Variants in USP28 observed in about 807,000 individuals in gnomAD.
USP28 encodes the protein ubiquitin carboxyl-terminal hydrolase 28.
Under a neutral mutation model 145.0 loss-of-function variants are expected in USP28, and 113 were observed. The observed-to-expected ratio is 0.78, with a 90% CI of 0.67 to 0.91. The LOEUF (loss-of-function observed/expected upper bound fraction) is 0.91, where lower values mean the gene tolerates loss of function less well. Among genes scored for constraint, USP28 ranks in the 40% least tolerant of loss-of-function variants. The probability of loss-of-function intolerance (pLI) is 0.00; values close to 1 mark genes in which losing one functional copy is unlikely to be tolerated. For synonymous variants in USP28, 447 were observed against 450.9 expected (o/e 0.99, Z 0.11); for missense variants, 1,201 against 1,289.6 (o/e 0.93, Z 1.05).
chr11:113,840,856 C>T (rs1945121137), intron 4 of USP28, 99 bp from the exon 5 acceptor site: 3 of 1,389,002 alleles, frequency 2.2e-6, no homozygotes, highest in South Asian at 3.2e-5. Context: ...ATTCAAAACA[C>T]CAGAAAAAGT....
intron 5 of USP28, 137 bp downstream of exon 5, chr11:113,840,461 T>C (rs961142342): frequency 8.9e-7 from 1 of 1,123,320 alleles, no homozygotes; most frequent in African/African-American, 1.6e-5. Flanking sequence ...TCTAAATCCA[T>C]ACACAATAAT....
At chr11:113,809,555 C>A (rs1319263409) in intron 16 of USP28, among the ~76,000 whole-genome samples, 1 of 152,190 alleles carries the variant, frequency 6.6e-6, no homozygotes, top group Non-Finnish European at 1.5e-5. Context: ...TCCCTTCCAG[C>A]ATCATGTAAT....
intron 16 of USP28, 62 bp downstream of exon 16, chr11:113,812,214 G>GTTTT: frequency 7.6e-7 from 1 of 1,315,402 alleles, no homozygotes. Flanking sequence ...GTACAAGACT[G>GTTTT]TTCTTCTCCC....
Position 113,813,878 on chromosome 11 carries a change from A to C in USP28, c.1743+7T>G. The C allele has an allele frequency of 6.2e-7, 1 of 1,611,474 alleles. No homozygotes were observed. Reference sequence around the variant, plus strand: ...CTTGACTACTTTCCCATCAATTTTCATTCTACCTGACGAAGGAGAGGATCG... The same window carrying C: ...CTTGACTACTTTCCCATCAATTTTCCTTCTACCTGACGAAGGAGAGGATCG... On this transcript the variant is annotated splice_region_variant and intron_variant, in intron 15 of 24. Coordinates refer to ENST00000003302, the Ensembl canonical transcript of USP28.
exon 25 of USP28, chr11:113,799,095 T>G: frequency 1.1e-6 from 1 of 900,324 alleles, no homozygotes; most frequent in Non-Finnish European, 1.7e-6. Context: ...TTTCAATCCT[T>G]CTTTACACAT....
chr11:113,838,521 C>T (rs965576657), intron 5 of USP28, among the ~76,000 whole-genome samples: 2 of 152,168 alleles, frequency 1.3e-5, no homozygotes, highest in African/African-American at 4.8e-5. Context: ...TGCTATTTGT[C>T]AGACACATTA....
At chr11:113,831,777 G>C (rs1944008403) in intron 8 of USP28, 143 bp downstream of exon 8, 1 of 592,526 alleles carries the variant, frequency 1.7e-6, no homozygotes, top group Non-Finnish European at 2.8e-6. Context: ...AGGGATACAT[G>C]ATGAGGACTA....
chr11:113,808,322 G>A lies in USP28; in HGVS notation c.2280C>T (p.Ser760=), dbSNP rs769400354. The A allele has an allele frequency of 9.9e-6, 16 of 1,613,348 alleles. No individual in the cohort carries two copies. In the East Asian group the frequency reaches 1.3e-4, roughly 13 times the overall value. ...CCTCACTCAGTGCCGCTTCTACACC[G>A]CTCTTCTCATAGGCACGGGCTGTGT... Residue 760 remains serine, a synonymous_variant, in exon 18 of 25, where the codon AGC becomes AGT. Coordinates refer to ENST00000003302, the Ensembl canonical transcript of USP28.
intron 21 of USP28, 90 bp from the exon 23 acceptor site, chr11:113,803,967 T>C: frequency 1.7e-6 from 2 of 1,171,566 alleles, no homozygotes; most frequent in South Asian, 2.7e-5. Context: ...TACAAATATT[T>C]ACTGAGCACA....
At chr11:113,856,629 T>C (rs1343175801) in intron 1 of USP28, among the ~76,000 whole-genome samples, 9 of 152,212 alleles carry the variant, frequency 5.9e-5, no homozygotes, top group African/African-American at 9.6e-5. Context: ...ACGCTGTATC[T>C]GAGAAGACAA....
chr11:113,815,729 G>A (rs1941636755), intron 13 of USP28, among the ~76,000 whole-genome samples: 1 of 152,194 alleles, frequency 6.6e-6, no homozygotes, highest in African/African-American at 2.4e-5. Context: ...TCCTTCCCAT[G>A]AGGATGGGAA....
exon 25 of USP28, chr11:113,799,185 T>G: frequency 1.3e-6 from 2 of 1,567,780 alleles, no homozygotes; most frequent in Admixed American, 1.8e-5. Flanking sequence ...ACAACGAACT[T>G]CTGTGCAAGA....
chr11:113,804,472 T>G (rs776296812), intron 21 of USP28, among the ~76,000 whole-genome samples: 1 of 152,170 alleles, frequency 6.6e-6, no homozygotes, highest in East Asian at 1.9e-4. Flanking sequence ...GTTGACTCAC[T>G]CTAAATGAAG....
At chr11:113,824,107 A>G (rs2135747758) in intron 11 of USP28, among the ~76,000 whole-genome samples, 1 of 152,356 alleles carries the variant, frequency 6.6e-6, no homozygotes, top group East Asian at 1.9e-4. Context: ...ATTTAAAAAA[A>G]GAAAAAAAAT....
chr11:113,850,117 C>A (rs910121874), intron 3 of USP28, among the ~76,000 whole-genome samples: 10 of 151,944 alleles, frequency 6.6e-5, no homozygotes, highest in African/African-American at 2.4e-4. Context: ...TCTAAGATAA[C>A]AAATTTGAGA....
intron 5 of USP28, among the ~76,000 whole-genome samples, chr11:113,836,900 G>T (rs1437700392): frequency 6.6e-6 from 1 of 152,078 alleles, no homozygotes; most frequent in South Asian, 2.1e-4. Flanking sequence ...ACTCCAGCAC[G>T]TTCCCTGAAC....
At chr11:113,809,619 T>C (rs1269565182) in intron 16 of USP28, among the ~76,000 whole-genome samples, 1 of 152,262 alleles carries the variant, frequency 6.6e-6, no homozygotes, top group Admixed American at 6.5e-5. Flanking sequence ...TTTTGGATAT[T>C]CACATGTGGG....
intron 3 of USP28, among the ~76,000 whole-genome samples, chr11:113,852,065 G>T (rs1326150243): frequency 6.6e-6 from 1 of 152,056 alleles, no homozygotes; most frequent in African/African-American, 2.4e-5. Flanking sequence ...GTCTTGCTCT[G>T]TCGCCCAGGC....
chr11:113,803,660 C>A, intron 22 of USP28, 138 bp downstream of exon 23: 1 of 657,462 alleles, frequency 1.5e-6, no homozygotes, highest in Non-Finnish European at 2.6e-6. Flanking sequence ...AAAACCAAAG[C>A]ACTGCAAGAG....
Sources: allele counts gnomAD v4.1 joint callset (sites outside exome capture counted in the v4.1 genomes callset), GRCh38; gene constraint gnomAD v4.1.1; transcripts MANE v1.5; gene names NCBI Gene and HGNC (gene_info 2026-07-23, HGNC 2026-07-21).